HAPSTR1: variants seen among roughly 807,000 people sequenced by gnomAD.
HAPSTR1 encodes HUWE1 associated protein modifying stress responses, also known as HUWE1-associated protein modifying stress responses 1.
chr16:9,096,543 A>G, the HAPSTR1 span, among the ~76,000 whole-genome samples: 2 of 152,180 alleles, frequency 1.3e-5, no homozygotes, highest in African/African-American at 4.8e-5. Context: ...CTCGTACACT[A>G]AAGGAGAACT....
chr16:9,114,269 G>A, the HAPSTR1 span, among the ~76,000 whole-genome samples: 1 of 152,102 alleles, frequency 6.6e-6, no homozygotes, highest in Non-Finnish European at 1.5e-5. Context: ...ACGTGTGTGG[G>A]TAAGGTAGGG....
the HAPSTR1 span, among the ~76,000 whole-genome samples, chr16:9,096,099 C>A: frequency 6.6e-6 from 1 of 152,086 alleles, no homozygotes; most frequent in Admixed American, 6.6e-5. Context: ...TTACTTCTTA[C>A]CTTTATGGTC....
chr16:9,116,613 C>T, the HAPSTR1 span: 2 of 1,581,788 alleles, frequency 1.3e-6, no homozygotes, highest in Middle Eastern at 1.7e-4. Flanking sequence ...AAGTGGGTTG[C>T]TTTCAAAAGG....
the HAPSTR1 span, chr16:9,107,364 T>A: frequency 3.3e-5 from 5 of 152,264 alleles, no homozygotes; most frequent in Non-Finnish European, 5.9e-5. Context: ...GAATGTGGTA[T>A]GTGGAAGGTC....
At chr16:9,114,077 T>C in the HAPSTR1 span, among the ~76,000 whole-genome samples, 1 of 152,240 alleles carries the variant, frequency 6.6e-6, no homozygotes, top group Non-Finnish European at 1.5e-5. Context: ...CGGTTGATTG[T>C]ACCATGCTGT....
chr16:9,091,779 G>T, the HAPSTR1 span: 1 of 395,378 alleles, frequency 2.5e-6, no homozygotes, highest in Non-Finnish European at 4.5e-6. Context: ...GAGGCGAGGG[G>T]CGGCAGCGGT....
chr16:9,120,975 T>A, the HAPSTR1 span: 1 of 152,062 alleles, frequency 6.6e-6, no homozygotes, highest in African/African-American at 2.4e-5. Flanking sequence ...CAGTGGAGTG[T>A]TTTCTTTTTC....
chr16:9,094,844 T>C, the HAPSTR1 span, among the ~76,000 whole-genome samples: 1 of 152,260 alleles, frequency 6.6e-6, no homozygotes, highest in Non-Finnish European at 1.5e-5. Context: ...TAAAATGGGA[T>C]TGTCCTCTGG....
At chr16:9,104,970 A>C in the HAPSTR1 span, 15 of 152,218 alleles carry the variant, frequency 9.9e-5, no homozygotes, top group East Asian at 9.7e-4. Context: ...ACTCTGTTTT[A>C]CTGTTATATT....
chr16:9,104,309 GT>G, the HAPSTR1 span: 2 of 152,132 alleles, frequency 1.3e-5, no homozygotes, highest in African/African-American at 4.8e-5. Context: ...CACCGTGTTG[GT>G]CAGGCTGGTC....
chr16:9,100,418 T>G, the HAPSTR1 span, among the ~76,000 whole-genome samples: 254 of 141,264 alleles, frequency 1.8e-3, no homozygotes, highest in African/African-American at 6.5e-3. Flanking sequence ...TCACAGGATA[T>G]TTTTTTTTTT....
the HAPSTR1 span, chr16:9,113,018 G>GTTTTTTTTTT: frequency 7.9e-6 from 1 of 125,840 alleles, no homozygotes; most frequent in Non-Finnish European, 1.7e-5. Context: ...TTTTTTTTTT[G>GTTTTTTTTTT]TTTTTTTTGT....
chr16:9,098,629 T>A, the HAPSTR1 span, among the ~76,000 whole-genome samples: 3 of 152,198 alleles, frequency 2.0e-5, no homozygotes, highest in Non-Finnish European at 2.9e-5. Flanking sequence ...GAGATCAGGC[T>A]GGGCAACATA....
chr16:9,102,956 A>T, the HAPSTR1 span: 1 of 1,607,118 alleles, frequency 6.2e-7, no homozygotes, highest in Non-Finnish European at 8.5e-7. Flanking sequence ...GTCATGATAC[A>T]TGTTTTCTTT....
the HAPSTR1 span, chr16:9,108,343 T>C: frequency 2.0e-5 from 3 of 152,078 alleles, no homozygotes; most frequent in Non-Finnish European, 4.4e-5. Flanking sequence ...TTTCAATATA[T>C]TTATTTTTGA....
the HAPSTR1 span, chr16:9,108,889 C>T: frequency 6.6e-6 from 1 of 152,166 alleles, no homozygotes; most frequent in East Asian, 1.9e-4. Context: ...TACCATGACA[C>T]TGGAAGTATT....
At chr16:9,092,249 G>A in the HAPSTR1 span, 4 of 1,572,878 alleles carry the variant, frequency 2.5e-6, no homozygotes, top group Non-Finnish European at 2.6e-6. Context: ...CTCGGCCACC[G>A]CCGTGGCCCA....
chr16:9,103,364 A>T, the HAPSTR1 span: 1 of 1,193,684 alleles, frequency 8.4e-7, no homozygotes, highest in Non-Finnish European at 1.1e-6. Flanking sequence ...TTTTTGTCTT[A>T]CAGTAAACAG....
the HAPSTR1 span, chr16:9,105,485 G>A: frequency 6.6e-6 from 1 of 152,110 alleles, no homozygotes; most frequent in African/African-American, 2.4e-5. Flanking sequence ...TAAGGAGAAT[G>A]GTAGTTTAAT....
Sources: allele counts gnomAD v4.1 joint callset (sites outside exome capture counted in the v4.1 genomes callset), GRCh38; gene constraint gnomAD v4.1.1; transcripts MANE v1.5; gene names NCBI Gene and HGNC (gene_info 2026-07-23, HGNC 2026-07-21).